CSMD1: variants seen among roughly 807,000 people sequenced by gnomAD.
CSMD1 encodes CUB and Sushi multiple domains 1.
CSMD1 carries 213 observed loss-of-function variants against 417.5 expected under a neutral mutation model. That is an observed-to-expected ratio of 0.51 (90% CI 0.46 to 0.57). The LOEUF (loss-of-function observed/expected upper bound fraction) is 0.57, where lower values mean the gene tolerates loss of function less well. CSMD1 is among the 20% of genes least tolerant of loss of function. The probability of loss-of-function intolerance (pLI) is 0.00; values close to 1 mark genes in which losing one functional copy is unlikely to be tolerated. For missense variants in CSMD1, 6,923 were observed against 4,529.7 expected (o/e 1.53, Z -15.17); for synonymous variants, 2,862 against 1,736.8 (o/e 1.65, Z -16.11).
At chr8:4,063,052 G>C (rs114184493) in intron 3 of CSMD1, among the ~76,000 whole-genome samples, 117 of 152,244 alleles carry the variant, frequency 7.7e-4, no homozygotes, top group African/African-American at 2.6e-3. Context: ...GGCTAATAGG[G>C]ATAAATATAT....
At chr8:3,622,284 C>T (rs1796289182) in intron 7 of CSMD1, among the ~76,000 whole-genome samples, 1 of 152,130 alleles carries the variant, frequency 6.6e-6, no homozygotes, top group African/African-American at 2.4e-5. Flanking sequence ...ATCATTATTG[C>T]TGTGGCAAAT....
At chr8:3,624,459 G>A (rs1796399379) in intron 7 of CSMD1, among the ~76,000 whole-genome samples, 1 of 152,160 alleles carries the variant, frequency 6.6e-6, no homozygotes, top group South Asian at 2.1e-4. Flanking sequence ...ACACTTTTTA[G>A]CACGAAGGCA....
At chr8:3,107,360 G>T (rs1287241480) in intron 45 of CSMD1, among the ~76,000 whole-genome samples, 1 of 152,130 alleles carries the variant, frequency 6.6e-6, no homozygotes, top group African/African-American at 2.4e-5. Flanking sequence ...TTTCTCAAGT[G>T]CATGAATGTG....
At chr8:2,996,163 G>T (rs190373406) in intron 54 of CSMD1, among the ~76,000 whole-genome samples, 7 of 151,056 alleles carry the variant, frequency 4.6e-5, no homozygotes, top group Admixed American at 4.6e-4. Flanking sequence ...ACAGAGAAAA[G>T]GAGGACTTTA....
intron 26 of CSMD1, 88 bp downstream of exon 26, chr8:3,284,056 G>C: frequency 3.7e-6 from 4 of 1,080,148 alleles, no homozygotes; most frequent in Non-Finnish European, 4.1e-6. Context: ...TGTGTAAGGA[G>C]ACGCTGGTGA....
At chr8:4,001,659 T>C (rs887173911) in intron 4 of CSMD1, among the ~76,000 whole-genome samples, 31 of 152,144 alleles carry the variant, frequency 2.0e-4, no homozygotes, top group African/African-American at 7.2e-4. Context: ...AGACACTTAC[T>C]ATCTACATTT....
Position 2,938,342 on chromosome 8 carries a change from T to G in CSMD1, c.*243A>C. On this transcript the variant is annotated 3_prime_UTR_variant, in exon 70 of 70. Transcript: ENST00000635120. ...AGTCTTCCTGGAGTGTGCCTTGATT[T>G]CATACAGATGCAGCCAGGCATTTAG... 1 of 447,376 alleles carries G rather than the reference T, an allele frequency of 2.2e-6. No homozygotes were observed. Among genetic ancestry groups the G allele is most frequent in the Non-Finnish European group, 3.9e-6 (1 of 253,520 alleles). 27.7% of individuals were successfully genotyped at this position (447,376 alleles called of 1,614,324 possible).
In CSMD1 at chr8:3,142,508, A is replaced by G. The variant is rs998274096; in HGVS notation, c.6198T>C (p.Ser2066=). ...ATCCTTGCCGGTTTTGCGAATGGTC[A>G]CTATAAAAGTGGATGAGGGTTTCAT... ...TTHETLIHFY[S]DHSQNRQGFK... Residue 2066 remains serine, a synonymous_variant, in exon 41 of 70, where the codon AGT becomes AGC. Coordinates refer to ENST00000635120, the MANE Select transcript of CSMD1 (RefSeq NM_033225.6). 6 of 1,613,828 alleles carry G rather than the reference A, an allele frequency of 3.7e-6. No individual in the cohort carries two copies.
chr8:4,271,359 A>C (rs1330728920), intron 3 of CSMD1, among the ~76,000 whole-genome samples: 1 of 152,176 alleles, frequency 6.6e-6, no homozygotes, highest in East Asian at 1.9e-4. Flanking sequence ...TGCTTGGAAA[A>C]TGTCAAAATA....
intron 1 of CSMD1, among the ~76,000 whole-genome samples, chr8:4,823,949 C>T (rs1410824795): frequency 6.6e-6 from 1 of 151,828 alleles, no homozygotes; most frequent in Non-Finnish European, 1.5e-5. Flanking sequence ...GAATATAGCA[C>T]AAATCTAAGT....
chr8:4,015,661 TAAAAAA>T (rs11371186), intron 4 of CSMD1, among the ~76,000 whole-genome samples: 3 of 97,490 alleles, frequency 3.1e-5, no homozygotes, highest in Non-Finnish European at 5.8e-5. Flanking sequence ...GTTTGAATCT[TAAAAAA>T]AAAAAAAAAA....
rs187916941 is a variant in CSMD1 at position 2,973,150 on chromosome 8, C to G, written c.8890G>C (p.Gly2964Arg). ...GSPERTCLLNGSWSGLQPVCE... is the reference protein window; with the variant it reads ...GSPERTCLLNRSWSGLQPVCE... ...ACCGGCTGCAGTCCTGACCATGACC[C>G]ATTGAGCAAACACGTGCGTTCAGGG... Residue 2964 changes from glycine (G) to arginine (R), a missense_variant, in exon 57 of 70, where the codon GGG becomes CGG. Coordinates refer to ENST00000635120, the MANE Select transcript of CSMD1 (RefSeq NM_033225.6). 393 of 1,613,782 alleles carry G rather than the reference C, an allele frequency of 2.4e-4. 1 individual carries two copies. The highest frequency in any genetic ancestry group is 2.8e-5 in the Non-Finnish European group (33 of 1,179,722).
At chr8:4,702,993 G>A (rs968630719) in intron 1 of CSMD1, among the ~76,000 whole-genome samples, 1 of 152,052 alleles carries the variant, frequency 6.6e-6, no homozygotes, top group African/African-American at 2.4e-5. Context: ...AAAAAAGAAT[G>A]ATTATTTAAA....
chr8:4,619,282 A>G (rs1391286928), intron 2 of CSMD1, among the ~76,000 whole-genome samples: 2 of 152,216 alleles, frequency 1.3e-5, no homozygotes, highest in East Asian at 3.9e-4. Context: ...AAATAAATGC[A>G]TGTAACAAAA....
intron 2 of CSMD1, among the ~76,000 whole-genome samples, chr8:4,465,914 TAGA>T (rs1291453765): frequency 5.3e-5 from 8 of 152,154 alleles, no homozygotes; most frequent in African/African-American, 9.7e-5. Context: ...CTCACAGCCA[TAGA>T]AGAAGGAAAA....
chr8:4,702,906 A>G (rs1807675166), intron 1 of CSMD1, among the ~76,000 whole-genome samples: 1 of 152,214 alleles, frequency 6.6e-6, no homozygotes, highest in Admixed American at 6.5e-5. Flanking sequence ...ATGAATTTTC[A>G]TCATAGACTG....
intron 3 of CSMD1, among the ~76,000 whole-genome samples, chr8:4,184,886 T>C (rs982892550): frequency 6.7e-6 from 1 of 148,526 alleles, no homozygotes; most frequent in African/African-American, 2.6e-5. Flanking sequence ...TCACCTGAGG[T>C]CAGGAGTTCA....
chr8:4,268,382 A>G (rs962176526), intron 3 of CSMD1, among the ~76,000 whole-genome samples: 2 of 152,158 alleles, frequency 1.3e-5, no homozygotes, highest in South Asian at 2.1e-4. Context: ...CACTTAGTTA[A>G]TTCTCTCAAG....
At position 4,656,127 on chromosome 8, in the gene CSMD1, A is replaced by G. The variant is rs148848786; in HGVS notation, c.86-18569T>C. Reference sequence around the variant, plus strand: ...GGGGCAAAGTGTATCGTGTGTGTCAATGAGAGGTGATGTGAAGCAAGGATT... The same window carrying G: ...GGGGCAAAGTGTATCGTGTGTGTCAGTGAGAGGTGATGTGAAGCAAGGATT... On this transcript the variant is annotated intron_variant, in intron 1 of 69. Coordinates refer to ENST00000635120, the MANE Select transcript of CSMD1 (RefSeq NM_033225.6). Among the ~76,000 whole-genome samples the G allele has an allele frequency of 1.7e-4, 26 of 152,212 alleles. 1 individual carries two copies. The highest frequency in any genetic ancestry group is 5.8e-4 in the East Asian group (3 of 5,162).
Sources: gnomAD v4.1 joint callset for allele counts (sites outside exome capture counted in the v4.1 genomes callset) on GRCh38, gnomAD v4.1.1 for gene constraint, MANE v1.5 for transcripts, NCBI Gene and HGNC (gene_info 2026-07-23, HGNC 2026-07-21) for gene names.